Variants in CDKAL1 observed in about 807,000 individuals in gnomAD.
CDKAL1 encodes the protein CDKAL1 threonylcarbamoyladenosine tRNA methylthiotransferase.
Under a neutral mutation model 68.2 loss-of-function variants are expected in CDKAL1, and 32 were observed. That is an observed-to-expected ratio of 0.47 (90% CI 0.35 to 0.63). The LOEUF (loss-of-function observed/expected upper bound fraction) is 0.63, where lower values mean the gene tolerates loss of function less well. Among genes scored for constraint, CDKAL1 ranks in the 30% least tolerant of loss-of-function variants. The pLI, the probability that CDKAL1 is intolerant of heterozygous loss-of-function variation, is 0.00. For missense variants in CDKAL1, 606 were observed against 696.7 expected (o/e 0.87, Z 1.47); for synonymous variants, 234 against 244.3 (o/e 0.96, Z 0.39).
intron 12 of CDKAL1, among the ~76,000 whole-genome samples, chr6:21,076,016 A>G (rs1232434780): frequency 6.6e-6 from 1 of 152,176 alleles, no homozygotes; most frequent in Non-Finnish European, 1.5e-5. Flanking sequence ...GGAACCAGAG[A>G]GTAAAGGCAA....
intron 5 of CDKAL1, among the ~76,000 whole-genome samples, chr6:20,711,202 A>G (rs1771828631): frequency 6.6e-6 from 1 of 152,198 alleles, no homozygotes; most frequent in African/African-American, 2.4e-5. Flanking sequence ...TGTAGAGAAG[A>G]GTATTTCTGT....
intron 4 of CDKAL1, chr6:20,558,809 A>G: frequency 2.9e-6 from 1 of 348,136 alleles, no homozygotes; most frequent in Admixed American, 3.8e-5. Context: ...AAAAGTCGAC[A>G]TAAGAGAATT....
At chr6:20,710,185 TA>T (rs993335311) in intron 5 of CDKAL1, among the ~76,000 whole-genome samples, 5 of 152,066 alleles carry the variant, frequency 3.3e-5, no homozygotes, top group African/African-American at 1.2e-4. Context: ...GGCATTTAAA[TA>T]AAAAAAGTAA....
intron 12 of CDKAL1, among the ~76,000 whole-genome samples, chr6:21,079,164 G>A (rs1772246100): frequency 6.6e-6 from 1 of 152,138 alleles, no homozygotes. Context: ...ATTTTTGTTT[G>A]TTTGTTTGTT....
At chr6:20,889,984 G>A (rs1761304012) in intron 9 of CDKAL1, among the ~76,000 whole-genome samples, 1 of 152,040 alleles carries the variant, frequency 6.6e-6, no homozygotes, top group Non-Finnish European at 1.5e-5. Context: ...ACACCCCTGG[G>A]CTCTAGTGAT....
intron 8 of CDKAL1, among the ~76,000 whole-genome samples, chr6:20,791,500 G>A (rs569835264): frequency 5.7e-4 from 86 of 152,148 alleles, no homozygotes; most frequent in Non-Finnish European, 1.2e-3. Context: ...TACTGTAGTT[G>A]TTTAGTTAAT....
intron 9 of CDKAL1, among the ~76,000 whole-genome samples, chr6:20,904,360 A>AC (rs915050775): frequency 1.3e-5 from 2 of 151,744 alleles, no homozygotes; most frequent in African/African-American, 4.8e-5. Context: ...ACATAGCGAG[A>AC]CCCCATCTCA....
In CDKAL1 at chr6:20,649,319, C is replaced by T; in HGVS notation, c.313C>T (p.Leu105Phe). 1 of 1,608,262 alleles carries T rather than the reference C, an allele frequency of 6.2e-7. No homozygotes were observed. Among genetic ancestry groups the T allele is most frequent in the Non-Finnish European group, 8.5e-7 (1 of 1,178,196 alleles). The change falls in exon 5 of 16, where the codon CTC becomes TTC. Residue 105 changes from leucine (L) to phenylalanine (F), a missense_variant. Physicochemically the swap from Leu to Phe is conservative, Grantham distance 22 (BLOSUM62 0). Coordinates refer to ENST00000274695, the MANE Select transcript of CDKAL1 (RefSeq NM_017774.3). ...AAATGCATCCGATGCAGATTTATGG[C>T]TCCTGAACAGTTGCACTGTAAAAAA... is the stretch of plus-strand genomic sequence containing the variant. ...TENASDADLW[L>F]LNSCTVKNPA...
intron 5 of CDKAL1, among the ~76,000 whole-genome samples, chr6:20,652,976 C>A (rs190249253): frequency 6.6e-6 from 1 of 152,162 alleles, no homozygotes; most frequent in East Asian, 1.9e-4. Flanking sequence ...CTTGTTTAGC[C>A]GTATTTTGAA....
In CDKAL1 at chr6:21,069,980, C is replaced by T. The variant is rs891756468; in HGVS notation, c.1236+4752C>T. On this transcript the variant is annotated intron_variant, in intron 12 of 15. Coordinates refer to ENST00000274695, the MANE Select transcript of CDKAL1 (RefSeq NM_017774.3). ...AATTTTTTTGTATTTTTAGTAGAGT[C>T]GAGGTTTCACCGTGTTAACCAGGAT... Among the ~76,000 whole-genome samples the T allele has an allele frequency of 7.3e-5, 11 of 151,488 alleles. No homozygotes were observed. The East Asian group carries it at 9.8e-4, about 13-fold the overall frequency.
chr6:20,971,910 T>TA (rs1365613008), intron 10 of CDKAL1, among the ~76,000 whole-genome samples: 1 of 152,100 alleles, frequency 6.6e-6, no homozygotes, highest in Non-Finnish European at 1.5e-5. Context: ...GACCTTGAAT[T>TA]AAAAAAAATA....
chr6:20,941,574 T>A (rs914209153), intron 9 of CDKAL1, among the ~76,000 whole-genome samples: 11 of 152,210 alleles, frequency 7.2e-5, no homozygotes, highest in African/African-American at 2.7e-4. Flanking sequence ...TCAAATACAT[T>A]GATTGATTAC....
intron 13 of CDKAL1, among the ~76,000 whole-genome samples, chr6:21,163,327 A>T (rs931030851): frequency 6.6e-6 from 1 of 152,150 alleles, no homozygotes; most frequent in East Asian, 1.9e-4. Flanking sequence ...GAGGCCTCAC[A>T]TACATCATTA....
intron 13 of CDKAL1, among the ~76,000 whole-genome samples, chr6:21,168,076 G>C (rs1014296535): frequency 2.0e-5 from 3 of 152,228 alleles, no homozygotes; most frequent in African/African-American, 7.2e-5. Flanking sequence ...TGTAGTCAAA[G>C]ACTGCAGTTG....
At chr6:20,753,542 G>A (rs2150342302) in intron 6 of CDKAL1, among the ~76,000 whole-genome samples, 1 of 152,304 alleles carries the variant, frequency 6.6e-6, no homozygotes, top group Admixed American at 6.5e-5. Flanking sequence ...TTGAGTAGTA[G>A]GCTGTACCAT....
At chr6:20,810,365 G>T (rs1318352294) in intron 8 of CDKAL1, among the ~76,000 whole-genome samples, 2 of 123,850 alleles carry the variant, frequency 1.6e-5, no homozygotes, top group Non-Finnish European at 1.7e-5. Context: ...AACATAGTGA[G>T]AGTCTCTCTC....
intron 12 of CDKAL1, among the ~76,000 whole-genome samples, chr6:21,066,815 A>G (rs1437958267): frequency 6.6e-6 from 1 of 152,034 alleles, no homozygotes; most frequent in Non-Finnish European, 1.5e-5. Context: ...TCATAGAGAC[A>G]GGGTCCTACT....
At chr6:20,660,892 C>A (rs1024783384) in intron 5 of CDKAL1, among the ~76,000 whole-genome samples, 1 of 151,972 alleles carries the variant, frequency 6.6e-6, no homozygotes, top group Non-Finnish European at 1.5e-5. Context: ...AATATCAGAA[C>A]ACTTGTCTTA....
intron 6 of CDKAL1, among the ~76,000 whole-genome samples, chr6:20,743,064 G>A (rs745740191): frequency 1.3e-4 from 20 of 152,096 alleles, no homozygotes; most frequent in Non-Finnish European, 1.6e-4. Context: ...GTGAAATAAA[G>A]AAATGAATTA....
Sources: allele counts gnomAD v4.1 joint callset (sites outside exome capture counted in the v4.1 genomes callset), GRCh38; gene constraint gnomAD v4.1.1; transcripts MANE v1.5; gene names NCBI Gene and HGNC (gene_info 2026-07-23, HGNC 2026-07-21).